Variants in SRBD1 observed in about 807,000 individuals in gnomAD.
The protein encoded by SRBD1 is S1 RNA binding domain 1.
SRBD1 carries 88 observed loss-of-function variants against 115.3 expected under a neutral mutation model. The observed-to-expected ratio is 0.76, with a 90% confidence interval of 0.64 to 0.91. The LOEUF is 0.91. Among genes scored for constraint, SRBD1 ranks in the 40% least tolerant of loss-of-function variants. The pLI is 0.00. For synonymous variants in SRBD1, 509 were observed against 407.7 expected (o/e 1.25, Z -2.99); for missense variants, 1,385 against 1,177.4 (o/e 1.18, Z -2.58).
chr2:45,531,460 GTA>G (rs1175658435), intron 14 of SRBD1, among the ~76,000 whole-genome samples: 1 of 151,716 alleles, frequency 6.6e-6, no homozygotes, highest in African/African-American at 2.4e-5. Context: ...TGAAAATAAA[GTA>G]TATATTTGAA....
intron 16 of SRBD1, among the ~76,000 whole-genome samples, chr2:45,472,066 A>T (rs1006153731): frequency 1.3e-5 from 2 of 152,174 alleles, no homozygotes; most frequent in African/African-American, 4.8e-5. Context: ...TGAAAGGTAT[A>T]AATAATCCAA....
intron 5 of SRBD1, 56 bp downstream of exon 5, chr2:45,585,550 CTG>C: frequency 1.3e-6 from 2 of 1,531,524 alleles, no homozygotes; most frequent in East Asian, 4.6e-5. Flanking sequence ...CACTTTCTCA[CTG>C]TTCCTCATTG....
chr2:45,583,667 C>T (rs1263458155), intron 5 of SRBD1, among the ~76,000 whole-genome samples: 1 of 152,064 alleles, frequency 6.6e-6, no homozygotes, highest in African/African-American at 2.4e-5. Flanking sequence ...TTTTACTTCT[C>T]ATGTAGGGGT....
rs569626541 is a variant in SRBD1 at position 45,441,657 on chromosome 2, C to T, written c.2050-21763G>A. On this transcript the variant is annotated intron_variant, in intron 16 of 20. Coordinates refer to ENST00000263736, the MANE Select transcript of SRBD1 (RefSeq NM_018079.5). The stretch of plus-strand genomic sequence containing the variant: ...AACCAGGGACAAATTTCTAACAGTT[C>T]GGCTTTTGGATTCTTCTTGCTGAAG... Among the ~76,000 whole-genome samples the T allele has an allele frequency of 3.6e-3, 543 of 152,230 alleles. 9 individuals carry two copies. The highest frequency in any genetic ancestry group is 0.012 in the African/African-American group (519 of 41,552).
intron 14 of SRBD1, among the ~76,000 whole-genome samples, chr2:45,492,353 G>T (rs1558431353): frequency 6.6e-6 from 1 of 152,164 alleles, no homozygotes; most frequent in Non-Finnish European, 1.5e-5. Flanking sequence ...TGACCATAAG[G>T]AATGTTATTA....
intron 16 of SRBD1, among the ~76,000 whole-genome samples, chr2:45,430,507 G>A (rs1386405644): frequency 2.0e-5 from 3 of 152,138 alleles, no homozygotes; most frequent in Admixed American, 2.0e-4. Flanking sequence ...ACAACCATCT[G>A]TTCTTTGACA....
intron 20 of SRBD1, 47 bp downstream of exon 20, chr2:45,392,898 G>A (rs768913651): frequency 6.7e-7 from 1 of 1,503,624 alleles, no homozygotes; most frequent in Non-Finnish European, 9.0e-7. Flanking sequence ...GGAGATAATG[G>A]GAGCTATGCA....
At chr2:45,412,780 T>A (rs1667641051) in intron 19 of SRBD1, among the ~76,000 whole-genome samples, 1 of 152,200 alleles carries the variant, frequency 6.6e-6, no homozygotes, top group South Asian at 2.1e-4. Context: ...AAGGGTTTTA[T>A]CTTTAGAAAA....
intron 14 of SRBD1, among the ~76,000 whole-genome samples, chr2:45,529,540 A>G (rs561846030): frequency 2.0e-5 from 3 of 152,022 alleles, no homozygotes; most frequent in Non-Finnish European, 2.9e-5. Context: ...TCTGCACCCA[A>G]TAAAAATTTT....
chr2:45,582,237 C>A (rs563985572), intron 5 of SRBD1, among the ~76,000 whole-genome samples: 1 of 152,220 alleles, frequency 6.6e-6, no homozygotes, highest in East Asian at 1.9e-4. Context: ...TGTTTTTGAA[C>A]GCTACTGGAC....
At chr2:45,523,807 C>A (rs1377371742) in intron 14 of SRBD1, among the ~76,000 whole-genome samples, 1 of 151,626 alleles carries the variant, frequency 6.6e-6, no homozygotes, top group Admixed American at 6.6e-5. Context: ...GAGGGGAGAA[C>A]ACTTCCTAAT....
chr2:45,548,110 T>G (rs1270809025), intron 12 of SRBD1, among the ~76,000 whole-genome samples: 1 of 151,398 alleles, frequency 6.6e-6, no homozygotes, highest in East Asian at 1.9e-4. Flanking sequence ...TTATTTTGAT[T>G]AAAAGTATTT....
chr2:45,602,202 G>A (rs1442108929), intron 2 of SRBD1, 119 bp from the exon 3 acceptor site: 13 of 1,153,070 alleles, frequency 1.1e-5, no homozygotes, highest in Middle Eastern at 5.2e-4. Flanking sequence ...ATAAAATGGA[G>A]TGATTGAGTA....
intron 14 of SRBD1, among the ~76,000 whole-genome samples, chr2:45,506,818 T>C (rs1670813720): frequency 6.6e-6 from 1 of 152,206 alleles, no homozygotes; most frequent in Non-Finnish European, 1.5e-5. Flanking sequence ...AAATAGTGCA[T>C]ATTAAATAGT....
intron 19 of SRBD1, among the ~76,000 whole-genome samples, chr2:45,398,746 T>C (rs940153837): frequency 1.3e-5 from 2 of 152,196 alleles, no homozygotes; most frequent in African/African-American, 4.8e-5. Context: ...ACAGTGCTCA[T>C]ATAGTTACCT....
chr2:45,484,147 T>C (rs1670046463), intron 15 of SRBD1, among the ~76,000 whole-genome samples: 1 of 152,132 alleles, frequency 6.6e-6, no homozygotes, highest in Non-Finnish European at 1.5e-5. Flanking sequence ...GCATCTGTTT[T>C]TAATATTAAT....
chr2:45,516,788 C>A (rs1671132408), intron 14 of SRBD1, among the ~76,000 whole-genome samples: 1 of 152,082 alleles, frequency 6.6e-6, no homozygotes, highest in African/African-American at 2.4e-5. Context: ...GGAATTTTAA[C>A]ATGGTTCTGC....
chr2:45,422,992 G>A (rs1218004650), intron 16 of SRBD1, among the ~76,000 whole-genome samples: 1 of 152,138 alleles, frequency 6.6e-6, no homozygotes, highest in African/African-American at 2.4e-5. Flanking sequence ...GAGAGAAAAT[G>A]TTGACTCCAA....
At chr2:45,445,133 T>C (rs950753977) in intron 16 of SRBD1, among the ~76,000 whole-genome samples, 2 of 152,168 alleles carry the variant, frequency 1.3e-5, no homozygotes, top group African/African-American at 4.8e-5. Flanking sequence ...TTCAGACAGT[T>C]GGAAAGGATG....
Sources: allele counts gnomAD v4.1 joint callset (sites outside exome capture counted in the v4.1 genomes callset), GRCh38; gene constraint gnomAD v4.1.1; transcripts MANE v1.5; gene names NCBI Gene and HGNC (gene_info 2026-07-23, HGNC 2026-07-21).